PCDH10: variants seen among roughly 807,000 people sequenced by gnomAD.
PCDH10 encodes the protein protocadherin-10.
In PCDH10, 15 loss-of-function variants were observed where a neutral mutation model predicts 74.4. The observed-to-expected ratio is 0.20, with a 90% CI of 0.13 to 0.31. PCDH10 has a LOEUF of 0.31. Among genes scored for constraint, PCDH10 ranks in the 10% least tolerant of loss-of-function variants. PCDH10 has a pLI of 1.00. For synonymous variants in PCDH10, 619 were observed against 589.8 expected, an observed-to-expected ratio of 1.05 and a Z score of -0.72; for missense variants, 1,260 against 1,390.2, an observed-to-expected ratio of 0.91 and a Z score of 1.49.
At chr4:133,162,870 A>T (rs1484599041) in intron 3 of PCDH10, 107 bp from the exon 4 acceptor site, 7 of 914,844 alleles carry the variant, frequency 7.7e-6, no homozygotes, top group Non-Finnish European at 1.1e-5. Context: ...AAAATTTGTT[A>T]AGACAACTTC....
At chr4:133,187,403 C>T (rs1289177921) in intron 4 of PCDH10, among the ~76,000 whole-genome samples, 1 of 152,032 alleles carries the variant, frequency 6.6e-6, no homozygotes, top group Non-Finnish European at 1.5e-5. Context: ...GAGCATCCTT[C>T]GATTTTGGGG....
intron 2 of PCDH10, among the ~76,000 whole-genome samples, chr4:133,201,218 AACTT>A (rs1395884075): frequency 6.6e-6 from 1 of 152,182 alleles, no homozygotes; most frequent in Non-Finnish European, 1.5e-5. Context: ...CAGTTAGCTC[AACTT>A]ACTTTAACTA....
At chr4:133,155,857 A>C (rs908750581) in intron 3 of PCDH10, among the ~76,000 whole-genome samples, 2 of 152,236 alleles carry the variant, frequency 1.3e-5, no homozygotes, top group African/African-American at 4.8e-5. Context: ...TGTTAAAATG[A>C]AAATGATTTA....
intron 3 of PCDH10, among the ~76,000 whole-genome samples, chr4:133,157,583 A>C (rs1226390285): frequency 6.6e-6 from 1 of 152,180 alleles, no homozygotes; most frequent in Non-Finnish European, 1.5e-5. Flanking sequence ...GGGAAAAGTT[A>C]GATTATCAAG....
Position 133,191,481 on chromosome 4 carries a change from A to ATC in PCDH10, c.*1322_*1323insCT, listed in dbSNP as rs1378527000. 8.5e-5 allele frequency: 13 copies of ATC among 152,210 alleles called. No individual in the cohort carries two copies. The highest frequency in any genetic ancestry group is 3.3e-4 in the Admixed American group (5 of 15,196). 9.4% of individuals were successfully genotyped at this position (152,210 alleles called of 1,614,324 possible). A position where few individuals can be genotyped will look rare whatever the true frequency, so the allele number is the denominator to read the frequency against. ...ATAGCTTAAATGTAGTCAGTGTTTG[A>ATC]TTAATGAAAAAATTCTTCATGAGTC... On this transcript the variant is annotated 3_prime_UTR_variant, in exon 5 of 5. Transcript: ENST00000264360.
chr4:133,158,786 A>G lies in PCDH10; in HGVS notation c.2797+3763A>G, dbSNP rs140382592. Among the ~76,000 whole-genome samples, 1,407 of 152,248 alleles carry G rather than the reference A, an allele frequency of 9.2e-3. 15 individuals carry two copies. The highest frequency in any genetic ancestry group is 0.021 in the South Asian group (102 of 4,832). On this transcript the variant is annotated intron_variant, in intron 3 of 4. Transcript: ENST00000264360. Reference sequence around the variant, plus strand: ...TTTATATATAAAATGGATTTACACCAGTATTTATAAAACCTTATTCACTGG... The same window carrying G: ...TTTATATATAAAATGGATTTACACCGGTATTTATAAAACCTTATTCACTGG...
At chr4:133,205,775 CTATTAT>C (rs1294859777) in intron 2 of PCDH10, among the ~76,000 whole-genome samples, 1 of 151,934 alleles carries the variant, frequency 6.6e-6, no homozygotes, top group Non-Finnish European at 1.5e-5. Context: ...TTTATTACTA[CTATTAT>C]TATTGTTTCT....
intron 3 of PCDH10, among the ~76,000 whole-genome samples, chr4:133,160,609 G>T (rs941531599): frequency 1.3e-5 from 2 of 149,790 alleles, no homozygotes; most frequent in African/African-American, 4.9e-5. Context: ...AAATCAAGCA[G>T]TATCCTAATA....
intron 4 of PCDH10, among the ~76,000 whole-genome samples, chr4:133,163,713 A>G (rs1727022301): frequency 1.3e-5 from 2 of 152,180 alleles, no homozygotes; most frequent in South Asian, 4.1e-4. Flanking sequence ...TAACAACTCA[A>G]TCAAAAGATG....
At chr4:133,156,203 A>T (rs1726860639) in intron 3 of PCDH10, among the ~76,000 whole-genome samples, 1 of 152,198 alleles carries the variant, frequency 6.6e-6, no homozygotes, top group Non-Finnish European at 1.5e-5. Flanking sequence ...CGTACACCCC[A>T]TGGTGGCCTG....
At chr4:133,200,483 G>A (rs1292751682) in intron 2 of PCDH10, among the ~76,000 whole-genome samples, 1 of 151,932 alleles carries the variant, frequency 6.6e-6, no homozygotes, top group Admixed American at 6.6e-5. Context: ...TCTTTCCTAT[G>A]CATCTGAGTT....
chr4:133,176,432 A>T (rs146216278), intron 4 of PCDH10, among the ~76,000 whole-genome samples: 1 of 152,286 alleles, frequency 6.6e-6, no homozygotes, highest in East Asian at 1.9e-4. Flanking sequence ...CAAAAGAGGC[A>T]CTCATTAAGT....
At chr4:133,152,833 C>T (rs769565767) in intron 1 of PCDH10, 62 bp downstream of exon 1, 1 of 1,604,950 alleles carries the variant, frequency 6.2e-7, no homozygotes, top group East Asian at 2.2e-5. Flanking sequence ...CTCCTCTAGC[C>T]CGGCCCTTGT....
intron 4 of PCDH10, among the ~76,000 whole-genome samples, chr4:133,177,179 G>T (rs970492319): frequency 1.3e-5 from 2 of 152,044 alleles, no homozygotes; most frequent in African/African-American, 4.8e-5. Context: ...ATGAAAAATT[G>T]TCTTTCTGTA....
In PCDH10 at chr4:133,151,950, G is replaced by A. The variant is rs1458076662; in HGVS notation, c.1810G>A (p.Ala604Thr). ...AEPGYLLTRV[A>T]AVDADDGENA... ...GCCGGGTTACCTGCTCACCCGCGTG[G>A]CCGCCGTGGACGCGGACGACGGCGA... Residue 604 changes from alanine to threonine, a missense_variant, in exon 1 of 5, where the codon GCC becomes ACC. Around this residue, in one of 11 missense-constraint regions of PCDH10, gnomAD observed 587 missense variants for 616.9 expected, o/e 0.95. Coordinates refer to ENST00000264360, the MANE Select transcript of PCDH10 (RefSeq NM_032961.3). 2 of 1,612,264 alleles carry A rather than the reference G, an allele frequency of 1.2e-6. No individual in the cohort carries two copies. Among genetic ancestry groups the A allele is most frequent in the Non-Finnish European group, 1.7e-6 (2 of 1,179,694 alleles).
downstream of PCDH10, among the ~76,000 whole-genome samples, chr4:133,199,117 A>G (rs1379713598): frequency 6.6e-6 from 1 of 151,602 alleles, no homozygotes; most frequent in Non-Finnish European, 1.5e-5. Flanking sequence ...CCCTGTCCCT[A>G]CAAAAAAAAT....
At chr4:133,160,146 G>T (rs938589389) in intron 3 of PCDH10, among the ~76,000 whole-genome samples, 1 of 151,540 alleles carries the variant, frequency 6.6e-6, no homozygotes, top group Non-Finnish European at 1.5e-5. Flanking sequence ...TACTATTTAC[G>T]TTGTTTTAAA....
chr4:133,161,410 G>A (rs974476864), intron 3 of PCDH10, among the ~76,000 whole-genome samples: 2 of 152,140 alleles, frequency 1.3e-5, no homozygotes, highest in African/African-American at 2.4e-5. Context: ...AGATAATCTA[G>A]ATAGTGTTAG....
At position 133,150,817 on chromosome 4, in the gene PCDH10, C is replaced by G. The variant is rs760385127; in HGVS notation, c.677C>G (p.Pro226Arg). The G allele has an allele frequency of 1.3e-6, 2 of 1,588,326 alleles. No individual in the cohort carries two copies. The highest frequency in any genetic ancestry group is 1.7e-6 in the Non-Finnish European group (2 of 1,168,896). ...GGTGGCGGGGGAGCAGGCCTGCCCC[C>G]CCAGCAGCAGCGCACCGGCACGGCC... ...GGGGGGAGLP[P>R]QQQRTGTALL... is the part of the protein sequence containing the mutation. The change falls in exon 1 of 5, where the codon CCC (proline) becomes CGC (arginine). Residue 226 changes from proline to arginine, a missense_variant. Physicochemically the swap from Pro to Arg is moderately radical, Grantham distance 103. Transcript: ENST00000264360.
Sources: gnomAD v4.1 joint callset for allele counts (sites outside exome capture counted in the v4.1 genomes callset) on GRCh38, gnomAD v4.1.1 for gene constraint, gnomAD v4.1.1 regional missense constraint, MANE v1.5 for transcripts, NCBI Gene and HGNC (gene_info 2026-07-23, HGNC 2026-07-21) for gene names.